IGSF21: variants seen among roughly 807,000 people sequenced by gnomAD.
The protein encoded by IGSF21 is immunoglobin superfamily member 21, also known as immunoglobulin superfamily member 21.
IGSF21 carries 28 observed loss-of-function variants against 46.8 expected under a neutral mutation model. The ratio of observed to expected loss-of-function variants is 0.60; its 90% CI spans 0.44 to 0.82. The LOEUF (loss-of-function observed/expected upper bound fraction) is 0.82, where lower values mean the gene tolerates loss of function less well. Ranked by LOEUF, IGSF21 falls within the 40% of genes least tolerant of loss-of-function variation. The pLI is 0.00. For missense variants in IGSF21, 624 were observed against 665.5 expected (o/e 0.94, Z 0.69); for synonymous variants, 284 against 273.6 (o/e 1.04, Z -0.38).
intron 2 of IGSF21, among the ~76,000 whole-genome samples, chr1:18,259,931 C>A (rs903034286): frequency 6.6e-6 from 1 of 152,196 alleles, no homozygotes; most frequent in Non-Finnish European, 1.5e-5. Context: ...ACAGACAAAC[C>A]TGGGTTAAAA....
chr1:18,114,747 C>T (rs1384945193), intron 1 of IGSF21: 1 of 152,196 alleles, frequency 6.6e-6, no homozygotes, highest in Non-Finnish European at 1.5e-5. Context: ...GAAAATGAGG[C>T]CCAGGAAGAT....
At chr1:18,227,488 A>G (rs2084579915) in intron 1 of IGSF21, among the ~76,000 whole-genome samples, 1 of 151,940 alleles carries the variant, frequency 6.6e-6, no homozygotes, top group Admixed American at 6.6e-5. Flanking sequence ...TGAATCATGA[A>G]TGCCACAACT....
Position 18,109,272 on chromosome 1 carries a change from G to C in IGSF21, c.70+1074G>C, listed in dbSNP as rs2086120531. ...AAGAGCCGCAGGCACCGAGACTACA[G>C]GCTCCGCGTCCGGGATCCTCCTCGG... On this transcript the variant is annotated intron_variant, in intron 1 of 9. Coordinates refer to ENST00000251296, the MANE Select transcript of IGSF21 (RefSeq NM_032880.5). This position sits in a 1 kb window ranked among gnomAD's most constrained non-coding sequence, Gnocchi z 4.8. 1 of 152,120 alleles carries C rather than the reference G, an allele frequency of 6.6e-6. No individual in the cohort carries two copies. The highest frequency in any genetic ancestry group is 2.4e-5 in the African/African-American group (1 of 41,412). 9.4% of individuals were successfully genotyped at this position (152,120 alleles called of 1,614,324 possible). A position where few individuals can be genotyped will look rare whatever the true frequency, so the allele number is the denominator to read the frequency against.
chr1:18,169,665 C>T (rs17435169), intron 1 of IGSF21, among the ~76,000 whole-genome samples: 28,976 of 152,134 alleles, frequency 0.19, 3,470 homozygotes, highest in Non-Finnish European at 0.27. Context: ...CAGTCAGATG[C>T]GCCTGATTAA....
intron 1 of IGSF21, among the ~76,000 whole-genome samples, chr1:18,211,915 A>G (rs1224318123): frequency 6.6e-6 from 1 of 152,238 alleles, no homozygotes. Flanking sequence ...GTCTCAGTGC[A>G]GAAAGCGAAA....
At chr1:18,336,539 G>C (rs1021060187) in intron 4 of IGSF21, among the ~76,000 whole-genome samples, 1 of 152,190 alleles carries the variant, frequency 6.6e-6, no homozygotes, top group Non-Finnish European at 1.5e-5. Flanking sequence ...CCAGGACCCA[G>C]GCATCTTGAC....
chr1:18,130,885 C>T (rs1201249769), intron 1 of IGSF21, among the ~76,000 whole-genome samples: 4 of 152,256 alleles, frequency 2.6e-5, no homozygotes, highest in South Asian at 2.1e-4. Flanking sequence ...CTGTTGGCCC[C>T]CCTGCTCTGA....
intron 4 of IGSF21, among the ~76,000 whole-genome samples, chr1:18,354,961 T>C (rs2085999723): frequency 6.6e-6 from 1 of 152,206 alleles, no homozygotes; most frequent in Non-Finnish European, 1.5e-5. Context: ...TTGCTTCTCA[T>C]CTCAAAAACC....
chr1:18,275,978 C>T (rs948600875), intron 2 of IGSF21, among the ~76,000 whole-genome samples: 3 of 152,132 alleles, frequency 2.0e-5, no homozygotes, highest in Non-Finnish European at 2.9e-5. Flanking sequence ...GGAATTTCTC[C>T]GCCGTGCCCA....
chr1:18,304,730 TAC>T (rs59328124), intron 3 of IGSF21, among the ~76,000 whole-genome samples: 9 of 128,450 alleles, frequency 7.0e-5, no homozygotes, highest in African/African-American at 1.9e-4. Context: ...CACACACACA[TAC>T]ACACACACAC....
rs531911451 is a variant in IGSF21, at chr1:18,337,789, T to C, written c.424+2779T>C. 5.9e-5 allele frequency among the ~76,000 whole-genome samples: 9 copies of C among 152,320 alleles called. No individual in the cohort carries two copies. The highest frequency in any genetic ancestry group is 2.2e-4 in the African/African-American group (9 of 41,566). On this transcript the variant is annotated intron_variant, in intron 4 of 9. Transcript: ENST00000251296. This position sits in a 1 kb window ranked among gnomAD's most constrained non-coding sequence, Gnocchi z 5.7. ...GAGCAATTTCAGAGGGGCTTTCACA[T>C]TGAGGACATCATCCAATCCTCACTG...
intron 4 of IGSF21, among the ~76,000 whole-genome samples, chr1:18,359,840 A>G (rs1393030780): frequency 6.6e-6 from 1 of 152,218 alleles, no homozygotes; most frequent in African/African-American, 2.4e-5. Flanking sequence ...GTGTACATAC[A>G]CCTAAAGGCA....
intron 3 of IGSF21, among the ~76,000 whole-genome samples, chr1:18,301,011 C>A (rs2085355733): frequency 6.6e-6 from 1 of 152,224 alleles, no homozygotes; most frequent in African/African-American, 2.4e-5. Flanking sequence ...TTTGTCGAAT[C>A]AATGGGCTGA....
At chr1:18,316,936 G>A (rs2085548785) in intron 3 of IGSF21, among the ~76,000 whole-genome samples, 1 of 152,180 alleles carries the variant, frequency 6.6e-6, no homozygotes. Flanking sequence ...TCAATGCTGG[G>A]GCTGCAAGTA....
At chr1:18,108,806 G>A (rs2086115396) in intron 1 of IGSF21, among the ~76,000 whole-genome samples, 1 of 151,806 alleles carries the variant, frequency 6.6e-6, no homozygotes, top group South Asian at 2.1e-4. Flanking sequence ...TGTGTGCACA[G>A]GAGATGGGAC....
intron 1 of IGSF21, among the ~76,000 whole-genome samples, chr1:18,140,488 G>A (rs1232649511): frequency 6.6e-6 from 1 of 152,174 alleles, no homozygotes; most frequent in Admixed American, 6.5e-5. Flanking sequence ...GGCAGCTGTG[G>A]GGATCACATG....
At chr1:18,355,577 A>C (rs2086007212) in intron 4 of IGSF21, among the ~76,000 whole-genome samples, 1 of 151,580 alleles carries the variant, frequency 6.6e-6, no homozygotes, top group African/African-American at 2.4e-5. Flanking sequence ...ATTCATGGAA[A>C]CTTCTAGCAG....
intron 1 of IGSF21, among the ~76,000 whole-genome samples, chr1:18,200,113 G>T (rs1250546398): frequency 6.6e-6 from 1 of 152,192 alleles, no homozygotes; most frequent in African/African-American, 2.4e-5. Flanking sequence ...GCTTGCCTTA[G>T]TTCTTGGTTC....
intron 4 of IGSF21, among the ~76,000 whole-genome samples, chr1:18,354,227 G>T (rs752555384): frequency 6.6e-6 from 1 of 152,172 alleles, no homozygotes; most frequent in Non-Finnish European, 1.5e-5. Context: ...TTAGCAGAAG[G>T]CCCAGTGTGT....
Sources: allele counts gnomAD v4.1 joint callset (sites outside exome capture counted in the v4.1 genomes callset), GRCh38; gene constraint gnomAD v4.1.1; non-coding constraint Gnocchi (gnomAD v3.1); transcripts MANE v1.5; gene names NCBI Gene and HGNC (gene_info 2026-07-23, HGNC 2026-07-21).